KCNIP1: variants seen among roughly 807,000 people sequenced by gnomAD.
KCNIP1 encodes the protein A-type potassium channel modulatory protein KCNIP1.
In KCNIP1, 18 loss-of-function variants were observed where a neutral mutation model predicts 33.0. That is an observed-to-expected ratio of 0.55 (90% confidence interval 0.38 to 0.81). The LOEUF (loss-of-function observed/expected upper bound fraction) is 0.81. KCNIP1 is among the 30% of genes least tolerant of loss of function. The pLI, the probability that KCNIP1 is intolerant of heterozygous loss-of-function variation, is 0.00. For missense variants in KCNIP1, 238 were observed against 271.6 expected, an observed-to-expected ratio of 0.88 and a Z score of 0.87; for synonymous variants, 93 against 98.3, an observed-to-expected ratio of 0.95 and a Z score of 0.32.
Position 170,450,066 on chromosome 5 carries a change from A to T in KCNIP1, c.88+96102A>T, listed in dbSNP as rs145246737. 4.3e-3 allele frequency among the ~76,000 whole-genome samples: 659 copies of T among 152,144 alleles called. 6 individuals carry two copies. The highest frequency in any genetic ancestry group is 0.017 in the Admixed American group (259 of 15,288). ...ACTTAGGCCTTGAAACATGGCCTTT[A>T]ATCATCCATGCTCAGGACTGCTCTC... On this transcript the variant is annotated intron_variant, in intron 1 of 7. Coordinates refer to the KCNIP1 transcript ENST00000377360.
chr5:170,358,426 C>A (rs1267182510), intron 1 of KCNIP1, among the ~76,000 whole-genome samples: 1 of 152,180 alleles, frequency 6.6e-6, no homozygotes, highest in Non-Finnish European at 1.5e-5. Context: ...TTGCCTCCTC[C>A]CACTGCTGTT....
intron 1 of KCNIP1, among the ~76,000 whole-genome samples, chr5:170,586,999 G>A (rs78732764): frequency 0.087 from 13,172 of 152,240 alleles, 640 homozygotes; most frequent in South Asian, 0.12. Flanking sequence ...GTTTTTAATT[G>A]CAAGTAAAGG....
At chr5:170,443,883 G>A (rs1338263237) in intron 1 of KCNIP1, among the ~76,000 whole-genome samples, 1 of 152,234 alleles carries the variant, frequency 6.6e-6, no homozygotes, top group Non-Finnish European at 1.5e-5. Flanking sequence ...AAGAGAAAGG[G>A]AGTCAGGCCC....
chr5:170,481,717 C>A (rs1018368957), intron 1 of KCNIP1, among the ~76,000 whole-genome samples: 8 of 152,132 alleles, frequency 5.3e-5, no homozygotes, highest in African/African-American at 1.9e-4. Context: ...TAGTGAGGGG[C>A]CTGCATCTAA....
intron 1 of KCNIP1, among the ~76,000 whole-genome samples, chr5:170,694,158 T>C (rs910933395): frequency 2.0e-5 from 3 of 152,212 alleles, no homozygotes; most frequent in Admixed American, 1.3e-4. Context: ...TTTTCAGAAG[T>C]AATTAGAATG....
intron 1 of KCNIP1, among the ~76,000 whole-genome samples, chr5:170,572,373 G>A (rs1020538808): frequency 3.9e-5 from 6 of 152,152 alleles, no homozygotes; most frequent in Non-Finnish European, 7.4e-5. Context: ...GATGGACCCC[G>A]GTGGGACCTC....
At chr5:170,734,252 G>A (rs1764307291) in intron 7 of KCNIP1, among the ~76,000 whole-genome samples, 2 of 65,248 alleles carry the variant, frequency 3.1e-5, no homozygotes, top group African/African-American at 5.5e-5. Context: ...AGCAGCTGGG[G>A]GGAAAAAAAC....
chr5:170,397,169 G>A (rs778984533), intron 1 of KCNIP1, among the ~76,000 whole-genome samples: 5 of 152,164 alleles, frequency 3.3e-5, no homozygotes, highest in Non-Finnish European at 7.3e-5. Flanking sequence ...CCCCATTATG[G>A]CCTGAACTAG....
At chr5:170,512,856 C>T (rs893043305) in intron 1 of KCNIP1, among the ~76,000 whole-genome samples, 11 of 151,986 alleles carry the variant, frequency 7.2e-5, no homozygotes, top group Admixed American at 1.3e-4. Flanking sequence ...GAGACCATCC[C>T]GGCTAACACG....
At chr5:170,507,575 C>T (rs1393685650) in intron 1 of KCNIP1, among the ~76,000 whole-genome samples, 2 of 152,212 alleles carry the variant, frequency 1.3e-5, no homozygotes, top group Non-Finnish European at 2.9e-5. Flanking sequence ...CACAGATGCT[C>T]GTCCCTTGCT....
At chr5:170,422,833 T>G (rs1755526991) in intron 1 of KCNIP1, 1 of 152,200 alleles carries the variant, frequency 6.6e-6, no homozygotes, top group Non-Finnish European at 1.5e-5. Context: ...TAAATTTAAC[T>G]GTGAACACCT....
At chr5:170,355,267 G>A (rs971026649) in intron 1 of KCNIP1, among the ~76,000 whole-genome samples, 4 of 152,212 alleles carry the variant, frequency 2.6e-5, no homozygotes, top group Admixed American at 2.6e-4. Context: ...CCAGAAGTGG[G>A]GTAAACAGGA....
intron 1 of KCNIP1, among the ~76,000 whole-genome samples, chr5:170,487,826 G>A (rs1409490130): frequency 6.6e-6 from 1 of 151,108 alleles, no homozygotes; most frequent in Non-Finnish European, 1.5e-5. Context: ...CCCAGTCACA[G>A]TACATTTTTC....
intron 1 of KCNIP1, among the ~76,000 whole-genome samples, chr5:170,595,253 A>G (rs777712118): frequency 2.0e-5 from 3 of 152,240 alleles, no homozygotes; most frequent in Non-Finnish European, 4.4e-5. Flanking sequence ...AAGCAGTGAT[A>G]AAACCCATTT....
chr5:170,365,811 G>C (rs2113296676), intron 1 of KCNIP1, among the ~76,000 whole-genome samples: 1 of 152,390 alleles, frequency 6.6e-6, no homozygotes, highest in Middle Eastern at 3.4e-3. Context: ...TCTGTAAAAT[G>C]TGTGCAATAA....
At position 170,699,382 on chromosome 5, in the gene KCNIP1, G is replaced by A. The variant is rs193193594; in HGVS notation, c.62-19376G>A. Among the ~76,000 whole-genome samples the A allele has an allele frequency of 3.2e-3, 492 of 151,806 alleles. 4 individuals carry two copies. Among genetic ancestry groups the A allele is most frequent in the Admixed American group, 0.03 (454 of 15,234 alleles). On this transcript the variant is annotated intron_variant, in intron 1 of 7. Coordinates refer to ENST00000328939, the MANE Select transcript of KCNIP1 (RefSeq NM_014592.4). ...GAGAACTAATCTGAAATCTGCACAGGGTCCCCACGTCTCGGATCCTCATCC... is the reference window on the plus strand; with the variant it reads ...GAGAACTAATCTGAAATCTGCACAGAGTCCCCACGTCTCGGATCCTCATCC...
At position 170,408,169 on chromosome 5, in the gene KCNIP1, A is replaced by G. The variant is rs116075746; in HGVS notation, c.88+54205A>G. ...TTATCTTGAAATCCCACAGTAGTCA[A>G]TAGTGGATGGCATTAATTGGAGGAG... On this transcript the variant is annotated intron_variant, in intron 1 of 7. Coordinates refer to the KCNIP1 transcript ENST00000377360. 8.0e-3 allele frequency among the ~76,000 whole-genome samples: 1,223 copies of G among 152,326 alleles called. 16 individuals carry two copies. Among genetic ancestry groups the G allele is most frequent in the African/African-American group, 0.028 (1,148 of 41,566 alleles).
At chr5:170,538,754 G>A (rs909584150) in intron 1 of KCNIP1, among the ~76,000 whole-genome samples, 3 of 151,332 alleles carry the variant, frequency 2.0e-5, no homozygotes, top group Non-Finnish European at 4.4e-5. Flanking sequence ...GGAATCCTGT[G>A]GTTCACCAAA....
chr5:170,359,757 C>T (rs537737361), intron 1 of KCNIP1, among the ~76,000 whole-genome samples: 1 of 152,202 alleles, frequency 6.6e-6, no homozygotes, highest in Non-Finnish European at 1.5e-5. Flanking sequence ...ACCCTTGCCC[C>T]TCTGCAGCAG....
Sources: gnomAD v4.1 joint callset for allele counts (sites outside exome capture counted in the v4.1 genomes callset) on GRCh38, gnomAD v4.1.1 for gene constraint, MANE v1.5 for transcripts, NCBI Gene and HGNC (gene_info 2026-07-23, HGNC 2026-07-21) for gene names.